Variants in ARID1B observed in about 807,000 individuals in gnomAD.
The protein encoded by ARID1B is AT-rich interaction domain 1B, also known as AT-rich interactive domain-containing protein 1B.
A neutral mutation model predicts 212.3 loss-of-function variants in ARID1B; 30 were observed. The observed-to-expected ratio is 0.14, with a 90% CI of 0.11 to 0.19. The LOEUF is 0.19. Among genes scored for constraint, ARID1B ranks in the 10% least tolerant of loss-of-function variants. ARID1B has a pLI of 1.00. For synonymous variants in ARID1B, 1,402 were observed against 1,301.7 expected (o/e 1.08, Z -1.66); for missense variants, 2,891 against 3,204.0 (o/e 0.90, Z 2.36).
At chr6:157,010,278 G>GTTTTTTTTTTTT (rs367851681) in intron 4 of ARID1B, among the ~76,000 whole-genome samples, 8 of 102,242 alleles carry the variant, frequency 7.8e-5, no homozygotes, top group African/African-American at 1.2e-4. Context: ...TGCATTGCCT[G>GTTTTTTTTTTTT]TTTTTTTTTT....
intron 2 of ARID1B, among the ~76,000 whole-genome samples, chr6:156,852,888 C>CA (rs1415023784): frequency 6.6e-6 from 1 of 152,182 alleles, no homozygotes; most frequent in Non-Finnish European, 1.5e-5. Flanking sequence ...ATTGGGAGAG[C>CA]AAAAGGTTTA....
intron 8 of ARID1B, chr6:157,166,624 A>G (rs1161108768): frequency 6.5e-6 from 1 of 153,914 alleles, no homozygotes; most frequent in Non-Finnish European, 1.4e-5. Flanking sequence ...AAACATTCCC[A>G]CACTGCCCAT....
chr6:156,789,643 G>C (rs1484037328), intron 1 of ARID1B, among the ~76,000 whole-genome samples: 1 of 152,218 alleles, frequency 6.6e-6, no homozygotes, highest in Non-Finnish European at 1.5e-5. Flanking sequence ...GATGAGCTAA[G>C]ACTTGGTTAA....
intron 7 of ARID1B, among the ~76,000 whole-genome samples, chr6:157,133,900 C>T (rs774738910): frequency 1.3e-5 from 2 of 152,148 alleles, no homozygotes; most frequent in African/African-American, 2.4e-5. Flanking sequence ...GGTTTTTAAC[C>T]TGATGTGTGT....
intron 2 of ARID1B, among the ~76,000 whole-genome samples, chr6:156,884,452 C>G (rs1054334142): frequency 6.6e-6 from 1 of 152,126 alleles, no homozygotes; most frequent in Admixed American, 6.5e-5. Context: ...CTATTTCATG[C>G]AGGTCTTTGC....
intron 1 of ARID1B, among the ~76,000 whole-genome samples, chr6:156,785,709 A>G (rs1164820090): frequency 1.3e-5 from 2 of 152,148 alleles, no homozygotes; most frequent in African/African-American, 4.8e-5. Flanking sequence ...TCTTTCTTTT[A>G]AAATTGTTAG....
At chr6:156,865,690 T>A (rs1335549581) in intron 2 of ARID1B, among the ~76,000 whole-genome samples, 2 of 152,112 alleles carry the variant, frequency 1.3e-5, no homozygotes, top group African/African-American at 2.4e-5. Context: ...CTTCTTCTAT[T>A]TTTCATGTCT....
intron 2 of ARID1B, among the ~76,000 whole-genome samples, chr6:156,880,076 G>C (rs1327296077): frequency 6.6e-6 from 1 of 152,196 alleles, no homozygotes; most frequent in Non-Finnish European, 1.5e-5. Flanking sequence ...GAGTTGTGAG[G>C]TGGAGGCCAG....
At chr6:156,983,889 A>G (rs1166899975) in intron 4 of ARID1B, among the ~76,000 whole-genome samples, 1 of 151,796 alleles carries the variant, frequency 6.6e-6, no homozygotes, top group African/African-American at 2.4e-5. Context: ...CCTTCTAGTT[A>G]CCCGATTTCC....
chr6:156,821,712 A>T (rs569847525), intron 1 of ARID1B, among the ~76,000 whole-genome samples: 1 of 152,350 alleles, frequency 6.6e-6, no homozygotes, highest in Admixed American at 6.5e-5. Flanking sequence ...TTATTATTTG[A>T]TAATGTAAGT....
intron 4 of ARID1B, among the ~76,000 whole-genome samples, chr6:156,989,777 G>A (rs1778157272): frequency 6.6e-6 from 1 of 152,196 alleles, no homozygotes; most frequent in African/African-American, 2.4e-5. Context: ...CAAGAGTGCT[G>A]ATGGCGGGGA....
At chr6:156,962,071 G>A (rs1014271000) in intron 4 of ARID1B, among the ~76,000 whole-genome samples, 4 of 151,888 alleles carry the variant, frequency 2.6e-5, no homozygotes, top group Non-Finnish European at 2.9e-5. Context: ...AGGCCGAGGT[G>A]GGTGGATCAC....
In ARID1B at chr6:157,120,450, C is replaced by T. The variant is rs188365920; in HGVS notation, c.2581+9889C>T. On this transcript the variant is annotated intron_variant, in intron 6 of 19. Coordinates refer to ENST00000636930, the MANE Select transcript of ARID1B (RefSeq NM_001374828.1). ...ACCTAATAGCACAGCTGGTGTGGCG[C>T]GGGGGGCCTGGGTTAAAGCCTTGAA... Among the ~76,000 whole-genome samples, 264 of 152,192 alleles carry T rather than the reference C, an allele frequency of 1.7e-3. 2 individuals are homozygous for T. The highest frequency in any genetic ancestry group is 1.4e-3 in the Non-Finnish European group (92 of 68,010).
intron 5 of ARID1B, among the ~76,000 whole-genome samples, chr6:157,090,768 C>G (rs73017164): frequency 0.11 from 16,463 of 152,168 alleles, 1,141 homozygotes; most frequent in Non-Finnish European, 0.13. Context: ...GGTCAGGGTG[C>G]CTTCAGAGCT....
intron 2 of ARID1B, among the ~76,000 whole-genome samples, chr6:156,896,582 A>AAAAAAAAAAAAAAAAAC (rs1788408263): frequency 6.8e-6 from 1 of 147,764 alleles, no homozygotes; most frequent in Admixed American, 6.7e-5. Context: ...GTCTCAAAAA[A>AAAAAAAAAAAAAAAAAC]AAAAAAAAAA....
chr6:156,795,053 A>C (rs2115252114), intron 1 of ARID1B, among the ~76,000 whole-genome samples: 1 of 152,240 alleles, frequency 6.6e-6, no homozygotes, highest in Non-Finnish European at 1.5e-5. Context: ...CCCTACCATT[A>C]TCTGGGTCGT....
rs191994096 is a variant in ARID1B, at chr6:157,191,355, T to C, written c.4231+1145T>C. On this transcript the variant is annotated intron_variant, in intron 15 of 19. Coordinates refer to ENST00000636930, the MANE Select transcript of ARID1B (RefSeq NM_001374828.1). ...ACATTATTCCCTGCAATGCAGAGGA[T>C]TGGAAAAGGACCGGGCTAGAGAGGG... is the stretch of plus-strand genomic sequence containing the variant. 1.1e-4 allele frequency among the ~76,000 whole-genome samples: 16 copies of C among 151,362 alleles called. No individual in the cohort carries two copies. In the South Asian group the frequency reaches 1.5e-3, roughly 14 times the overall value.
rs146157345 is a variant in ARID1B, at chr6:157,190,431, C to T, written c.4231+221C>T. Among the ~76,000 whole-genome samples, 1,364 of 152,360 alleles carry T rather than the reference C, an allele frequency of 9.0e-3. 21 individuals are homozygous for T. The highest frequency in any genetic ancestry group is 0.031 in the African/African-American group (1,296 of 41,586). On this transcript the variant is annotated intron_variant, in intron 15 of 19. Transcript: ENST00000636930. This position sits in a 1 kb window ranked among gnomAD's most constrained non-coding sequence, Gnocchi z 4.6. ...CTGGCCTCAGTGCCCTCAGCCTGTT[C>T]CCTGGCACATGCTCCCTGTTTCCGG... is the stretch of plus-strand genomic sequence containing the variant.
chr6:156,832,171 A>G (rs957957718), intron 2 of ARID1B, among the ~76,000 whole-genome samples: 4 of 152,222 alleles, frequency 2.6e-5, no homozygotes, highest in Non-Finnish European at 4.4e-5. Flanking sequence ...AGCAAAGGTT[A>G]TTAGAGCATA....
Sources: allele counts gnomAD v4.1 joint callset (sites outside exome capture counted in the v4.1 genomes callset), GRCh38; gene constraint gnomAD v4.1.1; non-coding constraint Gnocchi (gnomAD v3.1); transcripts MANE v1.5; gene names NCBI Gene and HGNC (gene_info 2026-07-23, HGNC 2026-07-21).